Variants in PCGF5 observed in about 807,000 individuals in gnomAD.
PCGF5 encodes polycomb group RING finger protein 5.
PCGF5 carries 9 observed loss-of-function variants against 44.3 expected under a neutral mutation model. That is an observed-to-expected ratio of 0.20 (90% CI 0.12 to 0.35). PCGF5 has a LOEUF of 0.35. Ranked by LOEUF, PCGF5 falls within the 10% of genes least tolerant of loss-of-function variation. PCGF5 has a pLI of 1.00. For synonymous variants in PCGF5, 95 were observed against 102.5 expected (o/e 0.93, Z 0.44); for missense variants, 146 against 305.3 (o/e 0.48, Z 3.89).
At chr10:91,223,243 G>A (rs1844728730) in intron 2 of PCGF5, among the ~76,000 whole-genome samples, 1 of 151,930 alleles carries the variant, frequency 6.6e-6, no homozygotes, top group Non-Finnish European at 1.5e-5. Flanking sequence ...ATCAGTTATG[G>A]TTTTTTTAAG....
intron 7 of PCGF5, among the ~76,000 whole-genome samples, chr10:91,262,648 A>G (rs1845951064): frequency 6.6e-6 from 1 of 152,204 alleles, no homozygotes; most frequent in African/African-American, 2.4e-5. Context: ...TTTCTCTCAG[A>G]TGACTAGTCT....
At chr10:91,208,475 A>G (rs553793787) in intron 1 of PCGF5, among the ~76,000 whole-genome samples, 20 of 152,286 alleles carry the variant, frequency 1.3e-4, no homozygotes, top group African/African-American at 4.1e-4. Context: ...CTGCATTCCT[A>G]ACAAGATCCC....
intron 1 of PCGF5, among the ~76,000 whole-genome samples, chr10:91,190,904 T>C (rs951889591): frequency 6.6e-6 from 1 of 152,240 alleles, no homozygotes; most frequent in East Asian, 1.9e-4. Flanking sequence ...ATTCAAAATA[T>C]ATCTTATTTA....
At chr10:91,233,386 G>T (rs963903765) in intron 2 of PCGF5, among the ~76,000 whole-genome samples, 1 of 152,014 alleles carries the variant, frequency 6.6e-6, no homozygotes, top group African/African-American at 2.4e-5. Flanking sequence ...GGTGTGCTTC[G>T]CTGCCTGTTG....
At chr10:91,254,283 G>C (rs1845695505) in intron 6 of PCGF5, among the ~76,000 whole-genome samples, 1 of 151,664 alleles carries the variant, frequency 6.6e-6, no homozygotes, top group African/African-American at 2.4e-5. Flanking sequence ...ATAAAAGCTT[G>C]TGTTATGAAT....
intron 1 of PCGF5, among the ~76,000 whole-genome samples, chr10:91,206,617 A>C (rs1844351986): frequency 1.3e-5 from 2 of 152,156 alleles, no homozygotes; most frequent in African/African-American, 4.8e-5. Context: ...TGGAGCAAGA[A>C]CACTGGGTAG....
chr10:91,247,364 TAGAGTA>T (rs1195936211), intron 3 of PCGF5, among the ~76,000 whole-genome samples: 3 of 152,140 alleles, frequency 2.0e-5, no homozygotes, highest in Non-Finnish European at 1.5e-5. Context: ...GAGAATTCAG[TAGAGTA>T]AAAGAAGCAA....
intron 9 of PCGF5, among the ~76,000 whole-genome samples, chr10:91,273,866 T>C (rs1042740381): frequency 6.7e-6 from 1 of 150,246 alleles, no homozygotes; most frequent in African/African-American, 2.4e-5. Flanking sequence ...ATACATTTTA[T>C]ATATTTTATA....
At chr10:91,271,846 T>C (rs1457441057) in intron 9 of PCGF5, 149 bp downstream of exon 9, 4 of 582,262 alleles carry the variant, frequency 6.9e-6, no homozygotes, top group Non-Finnish European at 1.2e-5. Flanking sequence ...ATACCCAAGA[T>C]TTCCCATTAT....
intron 1 of PCGF5, among the ~76,000 whole-genome samples, chr10:91,181,221 G>C (rs566656526): frequency 1.2e-4 from 18 of 152,278 alleles, no homozygotes; most frequent in African/African-American, 4.3e-4. Context: ...TCTGAGGTTT[G>C]CTGAAGTTAT....
rs752133035 is a variant in PCGF5, at chr10:91,248,686, A to T, written c.287A>T (p.Glu96Val). 1 of 1,609,828 alleles carries T rather than the reference A, an allele frequency of 6.2e-7. No individual in the cohort carries two copies. Among genetic ancestry groups the T allele is most frequent in the South Asian group, 1.1e-5 (1 of 90,524 alleles). ...TTAGAAGAACTTGAGCGTGAATCTG[A>T]ATTTTGGAAGAAAAATAAGCCTCAA... is the stretch of plus-strand genomic sequence containing the variant. The part of the protein sequence containing the change: ...LREQELERES[E>V]FWKKNKPQEN... The change falls in exon 5 of 10, where the codon GAA (glutamate) becomes GTA (valine). Residue 96 changes from glutamate to valine, a missense_variant. By Grantham distance (121) the Glu-to-Val change is moderately radical (BLOSUM62 -2). Transcript: ENST00000336126.
chr10:91,192,331 A>C (rs1477869573), intron 1 of PCGF5, among the ~76,000 whole-genome samples: 2 of 152,276 alleles, frequency 1.3e-5, no homozygotes, highest in Admixed American at 1.3e-4. Context: ...TAGTCTAAAA[A>C]TGAAGCATTC....
intron 1 of PCGF5, among the ~76,000 whole-genome samples, chr10:91,173,248 G>A (rs995300204): frequency 5.3e-5 from 8 of 152,202 alleles, no homozygotes; most frequent in Admixed American, 2.0e-4. Flanking sequence ...TTTGGTGGGG[G>A]ATTGGTTTAG....
chr10:91,232,861 T>TAATG (rs1845048615), intron 2 of PCGF5, among the ~76,000 whole-genome samples: 1 of 152,170 alleles, frequency 6.6e-6, no homozygotes, highest in Non-Finnish European at 1.5e-5. Context: ...GCAAGAAGCG[T>TAATG]AATGGACTTG....
At chr10:91,180,556 G>T (rs1843799968) in intron 1 of PCGF5, among the ~76,000 whole-genome samples, 2 of 152,126 alleles carry the variant, frequency 1.3e-5, no homozygotes, top group Non-Finnish European at 2.9e-5. Context: ...TTCTGCATAT[G>T]GTTAGCCAGT....
chr10:91,214,755 A>G (rs1186682183), intron 1 of PCGF5, among the ~76,000 whole-genome samples: 1 of 152,234 alleles, frequency 6.6e-6, no homozygotes, highest in Non-Finnish European at 1.5e-5. Flanking sequence ...GAGAAAGTTA[A>G]TGATGATTGC....
chr10:91,216,705 G>C (rs1027943328), upstream of PCGF5, among the ~76,000 whole-genome samples: 14 of 152,180 alleles, frequency 9.2e-5, no homozygotes, highest in African/African-American at 2.9e-4. Flanking sequence ...TTTAGCAAGG[G>C]AAGTCCTTGA....
At chr10:91,246,976 T>C (rs1845480300) in intron 3 of PCGF5, among the ~76,000 whole-genome samples, 1 of 50,438 alleles carries the variant, frequency 2.0e-5, no homozygotes, top group Non-Finnish European at 4.3e-5. Flanking sequence ...GATAGATAGA[T>C]AGATAGATAG....
chr10:91,260,217 T>TCG (rs1204793899), intron 6 of PCGF5, among the ~76,000 whole-genome samples: 1 of 152,040 alleles, frequency 6.6e-6, no homozygotes, highest in Non-Finnish European at 1.5e-5. Flanking sequence ...AAAATGCTCA[T>TCG]CGTCACTGGC....
Sources: gnomAD v4.1 joint callset for allele counts (sites outside exome capture counted in the v4.1 genomes callset) on GRCh38, gnomAD v4.1.1 for gene constraint, MANE v1.5 for transcripts, NCBI Gene and HGNC (gene_info 2026-07-23, HGNC 2026-07-21) for gene names.